CRACD: variants seen among roughly 807,000 people sequenced by gnomAD.
CRACD encodes the protein capping protein inhibiting regulator of actin dynamics, also known as capping protein-inhibiting regulator of actin dynamics.
A neutral mutation model predicts 106.8 loss-of-function variants in CRACD; 56 were observed. The observed-to-expected ratio is 0.52, with a 90% CI of 0.42 to 0.66. The LOEUF (loss-of-function observed/expected upper bound fraction) is 0.66, where lower values mean the gene tolerates loss of function less well. Among genes scored for constraint, CRACD ranks in the 30% least tolerant of loss-of-function variants. The probability of loss-of-function intolerance (pLI) is 0.00; values close to 1 mark genes in which losing one functional copy is unlikely to be tolerated. For synonymous variants in CRACD, 754 were observed against 670.8 expected, an observed-to-expected ratio of 1.12 and a Z score of -1.92; for missense variants, 1,730 against 1,623.2, an observed-to-expected ratio of 1.07 and a Z score of -1.13.
intron 2 of CRACD, among the ~76,000 whole-genome samples, chr4:56,247,818 C>G (rs924026176): frequency 6.6e-6 from 1 of 150,800 alleles, no homozygotes; most frequent in African/African-American, 2.4e-5. Context: ...TGCACTCTAG[C>G]CTGGGCAACA....
intron 2 of CRACD, among the ~76,000 whole-genome samples, chr4:56,197,098 A>T (rs1031829192): frequency 2.0e-5 from 3 of 152,210 alleles, no homozygotes; most frequent in Non-Finnish European, 4.4e-5. Flanking sequence ...AATAAGAATT[A>T]TCATAATATA....
chr4:56,052,081 T>C (rs1269616473), intron 1 of CRACD, among the ~76,000 whole-genome samples: 1 of 152,184 alleles, frequency 6.6e-6, no homozygotes, highest in African/African-American at 2.4e-5. Flanking sequence ...TTTTTATTTT[T>C]TTAAAGAGGT....
At chr4:56,116,813 T>C (rs1734303869) in intron 1 of CRACD, among the ~76,000 whole-genome samples, 1 of 151,566 alleles carries the variant, frequency 6.6e-6, no homozygotes, top group African/African-American at 2.4e-5. Flanking sequence ...GTTCAAGCGA[T>C]TCTCCTGCCT....
chr4:56,214,239 G>C (rs1185335774), intron 2 of CRACD, among the ~76,000 whole-genome samples: 3 of 151,980 alleles, frequency 2.0e-5, no homozygotes, highest in Non-Finnish European at 4.4e-5. Context: ...GGGTGAGAGG[G>C]CTCTCTCAGA....
At chr4:56,072,287 A>G (rs1732688132) in intron 1 of CRACD, among the ~76,000 whole-genome samples, 1 of 152,202 alleles carries the variant, frequency 6.6e-6, no homozygotes, top group Non-Finnish European at 1.5e-5. Flanking sequence ...CTTTCGTGCT[A>G]TAAAGGTTTT....
chr4:56,237,133 C>A (rs561163277), intron 2 of CRACD, among the ~76,000 whole-genome samples: 4 of 151,912 alleles, frequency 2.6e-5, no homozygotes, highest in African/African-American at 9.7e-5. Context: ...AAAGAAAAAA[C>A]CTGGAATAGC....
chr4:56,248,594 C>G (rs1740845196), intron 2 of CRACD, among the ~76,000 whole-genome samples: 2 of 149,290 alleles, frequency 1.3e-5, no homozygotes, highest in South Asian at 4.2e-4. Context: ...TTTAATTATA[C>G]TTTAAGTTTT....
chr4:56,281,466 G>GGA (rs1177461638), intron 3 of CRACD, among the ~76,000 whole-genome samples: 4 of 152,116 alleles, frequency 2.6e-5, no homozygotes, highest in African/African-American at 7.2e-5. Context: ...CAGCAGAACA[G>GGA]GAGCTAGGGA....
chr4:56,237,404 A>T (rs1188254116), intron 2 of CRACD, among the ~76,000 whole-genome samples: 1 of 152,170 alleles, frequency 6.6e-6, no homozygotes, highest in Non-Finnish European at 1.5e-5. Context: ...ATCCACTTGT[A>T]TGCATTTAAG....
At chr4:56,143,094 G>A (rs1359542844) in intron 1 of CRACD, among the ~76,000 whole-genome samples, 1 of 151,650 alleles carries the variant, frequency 6.6e-6, no homozygotes, top group Non-Finnish European at 1.5e-5. Flanking sequence ...TGTTTGGCTT[G>A]ATTGGACTTG....
At chr4:56,207,745 C>CATATATATATATATATAT (rs58423475) in intron 2 of CRACD, among the ~76,000 whole-genome samples, 5 of 106,168 alleles carry the variant, frequency 4.7e-5, no homozygotes, top group African/African-American at 1.6e-4. Flanking sequence ...CTTGTTTTCT[C>CATATATATATATATATAT]ATATATATAT....
At chr4:56,273,221 C>T (rs1179497234) in intron 3 of CRACD, among the ~76,000 whole-genome samples, 3 of 152,026 alleles carry the variant, frequency 2.0e-5, no homozygotes, top group African/African-American at 4.8e-5. Flanking sequence ...AGGTGGTCAC[C>T]CTTCATACCC....
At chr4:56,327,566 A>G (rs1746531419) in intron 10 of CRACD, 78 bp from the exon 11 acceptor site, 2 of 1,262,960 alleles carry the variant, frequency 1.6e-6, no homozygotes, top group Non-Finnish European at 2.3e-6. Context: ...TACATAGTTT[A>G]TCATCTGTTA....
chr4:56,153,086 C>T (rs1018783289), intron 1 of CRACD, among the ~76,000 whole-genome samples: 13 of 152,168 alleles, frequency 8.5e-5, no homozygotes, highest in Non-Finnish European at 1.6e-4. Context: ...CGAGACCAGC[C>T]TGGGCAATGT....
intron 2 of CRACD, among the ~76,000 whole-genome samples, chr4:56,195,295 T>A (rs1737551491): frequency 6.6e-6 from 1 of 152,070 alleles, no homozygotes; most frequent in African/African-American, 2.4e-5. Context: ...GGGGAAAAGA[T>A]GCGTCAATTT....
chr4:56,148,834 G>T (rs114177851), intron 1 of CRACD, among the ~76,000 whole-genome samples: 4,124 of 150,926 alleles, frequency 0.027, 183 homozygotes, highest in African/African-American at 0.095. Flanking sequence ...CCGGGGCAGG[G>T]TGAGGAGTTT....
intron 2 of CRACD, among the ~76,000 whole-genome samples, chr4:56,233,367 G>A (rs1206848657): frequency 6.6e-6 from 1 of 152,158 alleles, no homozygotes; most frequent in African/African-American, 2.4e-5. Flanking sequence ...TCAGTCTCCC[G>A]AGTAGCTGGG....
At chr4:56,177,511 T>G (rs1227541891) in intron 1 of CRACD, among the ~76,000 whole-genome samples, 1 of 152,152 alleles carries the variant, frequency 6.6e-6, no homozygotes, top group African/African-American at 2.4e-5. Flanking sequence ...GGTTTTGGTA[T>G]GAGGGTAATG....
intron 1 of CRACD, among the ~76,000 whole-genome samples, chr4:56,143,665 G>A (rs1735282137): frequency 6.6e-6 from 1 of 151,918 alleles, no homozygotes; most frequent in South Asian, 2.1e-4. Context: ...AACCCATATT[G>A]GCCATGATTC....
Sources: allele counts gnomAD v4.1 joint callset (sites outside exome capture counted in the v4.1 genomes callset), GRCh38; gene constraint gnomAD v4.1.1; transcripts MANE v1.5; gene names NCBI Gene and HGNC (gene_info 2026-07-23, HGNC 2026-07-21).